The following MACROD2 variants were observed in gnomAD, a reference collection of about 807,000 sequenced individuals.
The protein encoded by MACROD2 is ADP-ribose glycohydrolase MACROD2.
Under a neutral mutation model 70.4 loss-of-function variants are expected in MACROD2, and 36 were observed. The ratio of observed to expected loss-of-function variants is 0.51; its 90% CI spans 0.39 to 0.68. The LOEUF is 0.68. Among genes scored for constraint, MACROD2 ranks in the 30% least tolerant of loss-of-function variants. The pLI is 0.00. For missense variants in MACROD2, 496 were observed against 538.4 expected (o/e 0.92, Z 0.78); for synonymous variants, 172 against 178.8 (o/e 0.96, Z 0.30).
intron 5 of MACROD2, among the ~76,000 whole-genome samples, chr20:14,952,104 A>T (rs2074480846): frequency 6.6e-6 from 1 of 152,028 alleles, no homozygotes; most frequent in African/African-American, 2.4e-5. Context: ...GTTTCAAGTT[A>T]ATTTTGCTCT....
intron 6 of MACROD2, among the ~76,000 whole-genome samples, chr20:15,372,425 A>G (rs1241385317): frequency 2.0e-5 from 3 of 152,242 alleles, no homozygotes; most frequent in Admixed American, 2.0e-4. Context: ...GGTATAAAAG[A>G]GCATCTCACT....
intron 15 of MACROD2, among the ~76,000 whole-genome samples, chr20:16,024,043 A>C (rs2067042003): frequency 6.6e-6 from 1 of 152,202 alleles, no homozygotes; most frequent in African/African-American, 2.4e-5. Context: ...GTGATGGCCC[A>C]GGCATCAACA....
At chr20:15,110,950 T>G (rs1376524063) in intron 5 of MACROD2, among the ~76,000 whole-genome samples, 1 of 152,226 alleles carries the variant, frequency 6.6e-6, no homozygotes, top group East Asian at 1.9e-4. Flanking sequence ...GACACTGTGC[T>G]CAGCACCTGC....
intron 8 of MACROD2, among the ~76,000 whole-genome samples, chr20:15,506,828 C>T (rs1388121441): frequency 3.3e-5 from 5 of 152,196 alleles, no homozygotes; most frequent in African/African-American, 7.2e-5. Context: ...ATTCAGAGAC[C>T]TGGAAGGAGC....
chr20:14,782,712 A>G (rs1220470706), intron 5 of MACROD2, among the ~76,000 whole-genome samples: 2 of 152,060 alleles, frequency 1.3e-5, no homozygotes, highest in Non-Finnish European at 2.9e-5. Context: ...TCTCTGCCCA[A>G]CTTCTCCCTC....
chr20:15,773,659 A>G (rs771688175), intron 8 of MACROD2, among the ~76,000 whole-genome samples: 5 of 152,160 alleles, frequency 3.3e-5, no homozygotes, highest in Non-Finnish European at 7.4e-5. Context: ...TAACCTAAGC[A>G]TTATAAACTT....
rs61532850 is a variant in MACROD2 at position 14,930,161 on chromosome 20, CA to C, written c.418+245215del. On this transcript the variant is annotated intron_variant, in intron 5 of 17. Transcript: ENST00000684519. Reference sequence around the variant, plus strand: ...TGGGTGAGAGAGTGAGACTCCGTCTCAAAAAAAAAAAAAGAAATGTACATGA... The same window carrying C: ...TGGGTGAGAGAGTGAGACTCCGTCTCAAAAAAAAAAAAGAAATGTACATGA... 1.1e-3 allele frequency among the ~76,000 whole-genome samples: 117 copies of C among 106,368 alleles called. 2 individuals are homozygous for C. The highest frequency in any genetic ancestry group is 5.6e-3 in the Middle Eastern group (1 of 178). The allele number at this position is 106,368 out of a possible 152,430, so 69.8% of individuals were successfully genotyped here.
chr20:15,064,941 C>T (rs773804850), intron 5 of MACROD2, among the ~76,000 whole-genome samples: 7 of 152,194 alleles, frequency 4.6e-5, no homozygotes, highest in Non-Finnish European at 8.8e-5. Context: ...ATAGCACATC[C>T]TGTTCCATAT....
chr20:14,356,498 CTTTTTTTTTT>C (rs71190132), intron 3 of MACROD2, among the ~76,000 whole-genome samples: 4 of 76,786 alleles, frequency 5.2e-5, no homozygotes, highest in African/African-American at 9.4e-5. Context: ...GATCTACTTT[CTTTTTTTTTT>C]TTTTTTTTTT....
chr20:14,491,791 T>G (rs1737752406), intron 3 of MACROD2, among the ~76,000 whole-genome samples: 2 of 152,324 alleles, frequency 1.3e-5, no homozygotes, highest in Non-Finnish European at 2.9e-5. Flanking sequence ...TGTTGGTTGT[T>G]AAAAATACCT....
intron 2 of MACROD2, among the ~76,000 whole-genome samples, chr20:14,084,119 A>G (rs1284298824): frequency 6.6e-6 from 1 of 150,668 alleles, no homozygotes; most frequent in East Asian, 1.9e-4. Flanking sequence ...GGTTACTAAG[A>G]AGGGAATGCT....
rs189322375 is a variant in MACROD2, at chr20:14,911,967, C to T, written c.418+227008C>T. Among the ~76,000 whole-genome samples, 61 of 152,240 alleles carry T rather than the reference C, an allele frequency of 4.0e-4. 1 individual carries two copies. The highest frequency in any genetic ancestry group is 1.5e-3 in the African/African-American group (61 of 41,542). The stretch of plus-strand genomic sequence containing the variant: ...CTGACTCTAGAGCCCATAATCTTGA[C>T]CAACACCCTGTCTAATTCTTCACTT... On this transcript the variant is annotated intron_variant, in intron 5 of 17. Transcript: ENST00000684519.
intron 8 of MACROD2, among the ~76,000 whole-genome samples, chr20:15,517,392 C>T (rs942999778): frequency 1.3e-5 from 2 of 152,176 alleles, no homozygotes; most frequent in Non-Finnish European, 2.9e-5. Context: ...TAGACCTGCC[C>T]TCCTTTCACT....
chr20:14,718,278 G>A (rs1487512229), intron 5 of MACROD2, among the ~76,000 whole-genome samples: 1 of 100,576 alleles, frequency 9.9e-6, no homozygotes, highest in Non-Finnish European at 1.8e-5. Context: ...GGGCGACAGA[G>A]AGAGACTCTG....
At chr20:14,953,791 G>A (rs1367913314) in intron 5 of MACROD2, among the ~76,000 whole-genome samples, 2 of 152,100 alleles carry the variant, frequency 1.3e-5, no homozygotes, top group Non-Finnish European at 2.9e-5. Context: ...TTTACAAATT[G>A]CAAATTAGGG....
Position 15,505,822 on chromosome 20 carries a change from G to T in MACROD2, c.645+5975G>T, listed in dbSNP as rs118029333. 5.6e-4 allele frequency among the ~76,000 whole-genome samples: 86 copies of T among 152,308 alleles called. 1 individual carries two copies. In the East Asian group the frequency reaches 0.014, roughly 26 times the overall value. On this transcript the variant is annotated intron_variant, in intron 8 of 17. Transcript: ENST00000684519. ...GGGTTTTCTTTTATATAGGAGGAAGGTGGTACTTTTCTCTCCTCGCGTACA... is the reference window on the plus strand; with the variant it reads ...GGGTTTTCTTTTATATAGGAGGAAGTTGGTACTTTTCTCTCCTCGCGTACA...
At chr20:15,232,989 G>A (rs2076972133) in intron 6 of MACROD2, among the ~76,000 whole-genome samples, 1 of 151,930 alleles carries the variant, frequency 6.6e-6, no homozygotes, top group Admixed American at 6.6e-5. Flanking sequence ...TAACTTCCGT[G>A]ACAAAGAGAG....
At chr20:15,999,741 G>A (rs1004295958) in intron 15 of MACROD2, among the ~76,000 whole-genome samples, 3 of 152,088 alleles carry the variant, frequency 2.0e-5, no homozygotes, top group South Asian at 2.1e-4. Flanking sequence ...AGTCTCTTGT[G>A]ACTATTTTTT....
chr20:15,839,768 C>A (rs566841315), intron 8 of MACROD2, among the ~76,000 whole-genome samples: 1 of 152,182 alleles, frequency 6.6e-6, no homozygotes, highest in African/African-American at 2.4e-5. Context: ...GTGTGTAGTT[C>A]ATATGTCTAT....
Sources: allele counts gnomAD v4.1 joint callset (sites outside exome capture counted in the v4.1 genomes callset), GRCh38; gene constraint gnomAD v4.1.1; transcripts MANE v1.5; gene names NCBI Gene and HGNC (gene_info 2026-07-23, HGNC 2026-07-21).